Variants in TTC3 observed in about 807,000 individuals in gnomAD.
TTC3 encodes E3 ubiquitin-protein ligase TTC3.
In TTC3, 180 loss-of-function variants were observed where a neutral mutation model predicts 249.6. The observed-to-expected ratio is 0.72, with a 90% confidence interval of 0.64 to 0.82. TTC3 has a LOEUF of 0.82. Ranked by LOEUF, TTC3 falls within the 40% of genes least tolerant of loss-of-function variation. TTC3 has a pLI of 0.00. For missense variants in TTC3, 2,061 were observed against 2,398.4 expected (o/e 0.86, Z 2.94); for synonymous variants, 717 against 805.0 (o/e 0.89, Z 1.85).
At chr21:37,119,852 A>C (rs1257189125) in intron 11 of TTC3, among the ~76,000 whole-genome samples, 1 of 151,950 alleles carries the variant, frequency 6.6e-6, no homozygotes, top group Non-Finnish European at 1.5e-5. Flanking sequence ...TCTTGGTTTT[A>C]TTTTTAAAAA....
chr21:37,165,527 T>A, intron 32 of TTC3, 23 bp from the exon 33 acceptor site: 1 of 1,556,664 alleles, frequency 6.4e-7, no homozygotes, highest in Non-Finnish European at 8.7e-7. Flanking sequence ...TAGTAACTCA[T>A]GTAAATGTAA....
chr21:37,201,385 C>T lies in TTC3; in HGVS notation c.5944-55C>T, dbSNP rs1863916409. 6 of 1,610,622 alleles carry T rather than the reference C, an allele frequency of 3.7e-6. No individual in the cohort carries two copies. In the South Asian group the frequency reaches 6.6e-5, roughly 18 times the overall value. Reference sequence around the variant, plus strand: ...CAAGGAGCCCAGCAGCACAGGGGAGCTAAGCTTCCTCATGGTCCTGAAGGC... The same window carrying T: ...CAAGGAGCCCAGCAGCACAGGGGAGTTAAGCTTCCTCATGGTCCTGAAGGC... On this transcript the variant is annotated intron_variant, in intron 45 of 45. Coordinates refer to ENST00000355666, the Ensembl canonical transcript of TTC3.
chr21:37,118,243 G>A (rs888458003), intron 11 of TTC3, among the ~76,000 whole-genome samples: 1 of 152,108 alleles, frequency 6.6e-6, no homozygotes, highest in Non-Finnish European at 1.5e-5. Flanking sequence ...TTATGAGCCT[G>A]AGTCTATGGA....
At chr21:37,152,790 ATTG>A (rs1198926602) in intron 26 of TTC3, among the ~76,000 whole-genome samples, 158 bp from the exon 27 acceptor site, 1 of 152,228 alleles carries the variant, frequency 6.6e-6, no homozygotes, top group East Asian at 1.9e-4. Flanking sequence ...TTTCAAAAGT[ATTG>A]TTAAGTGTTT....
intron 19 of TTC3, among the ~76,000 whole-genome samples, chr21:37,139,543 G>A (rs1047185484): frequency 1.3e-5 from 2 of 152,064 alleles, no homozygotes; most frequent in African/African-American, 4.8e-5. Context: ...ACCTAGTGAG[G>A]ATCTAAGTAG....
At chr21:37,116,609 A>G (rs1036315237) in intron 11 of TTC3, among the ~76,000 whole-genome samples, 9 of 126,148 alleles carry the variant, frequency 7.1e-5, no homozygotes, top group Non-Finnish European at 1.7e-4. Context: ...AGGAGTTCCA[A>G]GACCAGCCTG....
At chr21:37,193,337 A>G (rs993780165) in intron 41 of TTC3, among the ~76,000 whole-genome samples, 2 of 150,200 alleles carry the variant, frequency 1.3e-5, no homozygotes, top group African/African-American at 4.9e-5. Flanking sequence ...TTGCACAGTA[A>G]ACATTCAAAC....
chr21:37,147,894 A>G (rs1263031601), intron 22 of TTC3, among the ~76,000 whole-genome samples: 2 of 151,988 alleles, frequency 1.3e-5, no homozygotes, highest in South Asian at 2.1e-4. Flanking sequence ...ACGCCCAGCT[A>G]ATTTTTGCAT....
At chr21:37,079,680 C>G (rs368156061) in intron 1 of TTC3, among the ~76,000 whole-genome samples, 1 of 151,522 alleles carries the variant, frequency 6.6e-6, no homozygotes, top group Non-Finnish European at 1.5e-5. Context: ...TACAGCCGTG[C>G]GCCACCATGC....
At chr21:37,183,019 T>A in intron 36 of TTC3, 106 bp downstream of exon 36, 1 of 955,426 alleles carries the variant, frequency 1.0e-6, no homozygotes, top group Non-Finnish European at 1.5e-6. Flanking sequence ...TCAAGTAAAG[T>A]AAAAATGAAT....
intron 11 of TTC3, among the ~76,000 whole-genome samples, chr21:37,114,580 G>A (rs2075962359): frequency 6.6e-6 from 1 of 152,112 alleles, no homozygotes; most frequent in South Asian, 2.1e-4. Context: ...TTACACTGTT[G>A]GTGGGACTGT....
chr21:37,088,399 C>G, intron 4 of TTC3, 53 bp downstream of exon 4: 1 of 1,548,374 alleles, frequency 6.5e-7, no homozygotes, highest in Non-Finnish European at 8.7e-7. Flanking sequence ...ACATGTTACC[C>G]AATACCAAGA....
chr21:37,167,457 A>G (rs1421961552), intron 33 of TTC3, 98 bp from the exon 34 acceptor site: 2 of 859,914 alleles, frequency 2.3e-6, no homozygotes, highest in African/African-American at 1.8e-5. Context: ...AAAAACTTGA[A>G]AAAATTGTGG....
At chr21:37,150,045 T>G in intron 23 of TTC3, 33 bp from the exon 24 acceptor site, 1 of 1,445,772 alleles carries the variant, frequency 6.9e-7, no homozygotes, top group Non-Finnish European at 9.4e-7. Flanking sequence ...AGACATAACA[T>G]TTTTCTTGTT....
chr21:37,088,814 T>A, exon 5 of TTC3: 1 of 1,612,772 alleles, frequency 6.2e-7, no homozygotes, highest in Non-Finnish European at 8.5e-7. Context: ...CACGTGCTTC[T>A]GAGATAAATT....
chr21:37,142,846 T>A (rs2078614550), intron 20 of TTC3, among the ~76,000 whole-genome samples: 1 of 152,162 alleles, frequency 6.6e-6, no homozygotes, highest in Non-Finnish European at 1.5e-5. Context: ...CTTCAAACTA[T>A]ACTACAAGGC....
At chr21:37,190,012 A>T (rs566284073) in intron 39 of TTC3, among the ~76,000 whole-genome samples, 50 of 152,066 alleles carry the variant, frequency 3.3e-4, no homozygotes, top group Middle Eastern at 6.9e-3. Context: ...TTGTGTTTTT[A>T]ATCCCAGGGT....
At chr21:37,138,842 T>A in intron 19 of TTC3, 128 bp downstream of exon 19, 2 of 544,480 alleles carry the variant, frequency 3.7e-6, no homozygotes, top group Non-Finnish European at 6.0e-6. Flanking sequence ...TATCTCAGTT[T>A]AATTTAGTTT....
chr21:37,126,686 C>G (rs1338547965), intron 15 of TTC3, among the ~76,000 whole-genome samples: 1 of 152,148 alleles, frequency 6.6e-6, no homozygotes, highest in African/African-American at 2.4e-5. Context: ...TTATAAGCAA[C>G]AAACATTTAT....
Sources: allele counts gnomAD v4.1 joint callset (sites outside exome capture counted in the v4.1 genomes callset), GRCh38; gene constraint gnomAD v4.1.1; transcripts MANE v1.5; gene names NCBI Gene and HGNC (gene_info 2026-07-23, HGNC 2026-07-21).